The following MACROD2 variants were observed in gnomAD, a reference collection of about 807,000 sequenced individuals.
MACROD2 encodes the protein mono-ADP ribosylhydrolase 2.
Under a neutral mutation model 70.4 loss-of-function variants are expected in MACROD2, and 36 were observed. The observed-to-expected ratio is 0.51, with a 90% CI of 0.39 to 0.68. The LOEUF is 0.68. Ranked by LOEUF, MACROD2 falls within the 30% of genes least tolerant of loss-of-function variation. The pLI, the probability that MACROD2 is intolerant of heterozygous loss-of-function variation, is 0.00. For missense variants in MACROD2, 496 were observed against 538.4 expected (o/e 0.92, Z 0.78); for synonymous variants, 172 against 178.8 (o/e 0.96, Z 0.30).
At chr20:14,067,457 T>G (rs2053778835) in intron 2 of MACROD2, among the ~76,000 whole-genome samples, 1 of 152,182 alleles carries the variant, frequency 6.6e-6, no homozygotes, top group African/African-American at 2.4e-5. Flanking sequence ...ATTTATTTCC[T>G]TTTTTATAAA....
intron 8 of MACROD2, among the ~76,000 whole-genome samples, chr20:15,533,746 A>G (rs896780163): frequency 2.0e-5 from 3 of 152,154 alleles, no homozygotes; most frequent in Non-Finnish European, 2.9e-5. Context: ...CTATAAAAGG[A>G]TTGAAAGTGA....
chr20:15,191,931 T>TATATATAGAGAG (rs150210305), intron 5 of MACROD2, among the ~76,000 whole-genome samples: 77 of 142,374 alleles, frequency 5.4e-4, no homozygotes, highest in African/African-American at 2.0e-3. Context: ...TATATATATA[T>TATATATAGAGAG]AGAGAGAGAG....
At chr20:14,998,217 A>G (rs554522794) in intron 5 of MACROD2, among the ~76,000 whole-genome samples, 142 of 152,312 alleles carry the variant, frequency 9.3e-4, no homozygotes, top group African/African-American at 3.2e-3. Flanking sequence ...ACATTGACAA[A>G]CAGACACAAG....
intron 8 of MACROD2, among the ~76,000 whole-genome samples, chr20:15,539,803 C>T (rs1336849229): frequency 3.9e-5 from 6 of 152,232 alleles, no homozygotes; most frequent in East Asian, 1.9e-4. Context: ...CTGGCTAACA[C>T]GGTGAAACTC....
chr20:15,576,303 C>A (rs1600617032), intron 8 of MACROD2, among the ~76,000 whole-genome samples: 1 of 152,208 alleles, frequency 6.6e-6, no homozygotes, highest in Non-Finnish European at 1.5e-5. Flanking sequence ...TAAGTTCTGG[C>A]AACTCCTGAT....
chr20:15,425,001 C>T (rs968452403), intron 6 of MACROD2, among the ~76,000 whole-genome samples: 5 of 152,182 alleles, frequency 3.3e-5, no homozygotes, highest in African/African-American at 1.2e-4. Context: ...TTGTCTGAAA[C>T]CCTTTGTTGG....
At chr20:14,739,358 G>T (rs1055384899) in intron 5 of MACROD2, among the ~76,000 whole-genome samples, 4 of 151,770 alleles carry the variant, frequency 2.6e-5, no homozygotes, top group Non-Finnish European at 5.9e-5. Context: ...GGCAAAAAAG[G>T]ACAGGATAAT....
At chr20:14,254,067 G>A (rs2082033379) in intron 3 of MACROD2, among the ~76,000 whole-genome samples, 1 of 151,786 alleles carries the variant, frequency 6.6e-6, no homozygotes, top group Non-Finnish European at 1.5e-5. Context: ...AGATAGATAT[G>A]CAAATATATT....
At chr20:14,065,830 A>G (rs915435857) in intron 2 of MACROD2, among the ~76,000 whole-genome samples, 4 of 152,208 alleles carry the variant, frequency 2.6e-5, no homozygotes, top group African/African-American at 9.6e-5. Flanking sequence ...AATATGGTAC[A>G]TGCATAGCTA....
chr20:15,841,153 A>G (rs1020809204), intron 8 of MACROD2, among the ~76,000 whole-genome samples: 1 of 152,290 alleles, frequency 6.6e-6, no homozygotes, highest in African/African-American at 2.4e-5. Context: ...GGTGGCCCAC[A>G]CTAAGTTGTG....
chr20:15,072,271 G>A (rs1381886811), intron 5 of MACROD2, among the ~76,000 whole-genome samples: 1 of 151,948 alleles, frequency 6.6e-6, no homozygotes, highest in East Asian at 1.9e-4. Flanking sequence ...GAAGATCTTC[G>A]GTATCTTTCA....
chr20:14,469,299 T>C (rs2084498785), intron 3 of MACROD2, among the ~76,000 whole-genome samples: 2 of 152,206 alleles, frequency 1.3e-5, no homozygotes, highest in South Asian at 2.1e-4. Context: ...AGAGATCTGC[T>C]GTTAGTCTGA....
intron 8 of MACROD2, among the ~76,000 whole-genome samples, chr20:15,571,021 C>A (rs2048369856): frequency 6.6e-6 from 1 of 152,170 alleles, no homozygotes; most frequent in Admixed American, 6.6e-5. Flanking sequence ...CCACTATTAT[C>A]ATCTTTTCTT....
intron 5 of MACROD2, chr20:14,888,457 A>G (rs1353469065): frequency 2.0e-5 from 3 of 152,174 alleles, no homozygotes; most frequent in East Asian, 3.9e-4. Flanking sequence ...CACTTCTGTA[A>G]ATCTCCAGTT....
chr20:14,435,618 A>G (rs886442489), intron 3 of MACROD2, among the ~76,000 whole-genome samples: 2 of 151,930 alleles, frequency 1.3e-5, no homozygotes, highest in African/African-American at 4.8e-5. Flanking sequence ...GCAAATCCCT[A>G]CTCTCATGGA....
At chr20:14,542,813 A>C (rs1353691073) in intron 4 of MACROD2, among the ~76,000 whole-genome samples, 2 of 152,216 alleles carry the variant, frequency 1.3e-5, no homozygotes, top group African/African-American at 2.4e-5. Flanking sequence ...TGCATAATTG[A>C]AAATTTTATA....
intron 3 of MACROD2, among the ~76,000 whole-genome samples, chr20:14,378,232 A>T (rs1188072338): frequency 6.6e-6 from 1 of 152,174 alleles, no homozygotes; most frequent in Non-Finnish European, 1.5e-5. Context: ...GGACCCATTA[A>T]TATGGTGAGT....
At chr20:15,711,388 C>G (rs1461568935) in intron 8 of MACROD2, among the ~76,000 whole-genome samples, 2 of 152,158 alleles carry the variant, frequency 1.3e-5, no homozygotes, top group Non-Finnish European at 2.9e-5. Flanking sequence ...GGCATTTGTC[C>G]GTGACTCACT....
chr20:15,357,656 G>A (rs921975463), intron 6 of MACROD2, among the ~76,000 whole-genome samples: 4 of 151,850 alleles, frequency 2.6e-5, no homozygotes, highest in South Asian at 2.1e-4. Flanking sequence ...TCTTATCCAC[G>A]TTTCTTAGAA....
Sources: allele counts gnomAD v4.1 joint callset (sites outside exome capture counted in the v4.1 genomes callset), GRCh38; gene constraint gnomAD v4.1.1; transcripts MANE v1.5; gene names NCBI Gene and HGNC (gene_info 2026-07-23, HGNC 2026-07-21).